Variants in RALGDS observed in about 807,000 individuals in gnomAD.
RALGDS encodes the protein ral guanine nucleotide exchange factor.
A neutral mutation model predicts 99.8 loss-of-function variants in RALGDS; 44 were observed. That is an observed-to-expected ratio of 0.44 (90% CI 0.35 to 0.57). The LOEUF is 0.57. Ranked by LOEUF, RALGDS falls within the 20% of genes least tolerant of loss-of-function variation. The pLI is 0.01. For synonymous variants in RALGDS, 529 were observed against 505.0 expected (o/e 1.05, Z -0.64); for missense variants, 1,022 against 1,203.1 (o/e 0.85, Z 2.23).
intron 2 of RALGDS, among the ~76,000 whole-genome samples, 170 bp from the exon 3 acceptor site, chr9:133,110,659 C>T (rs1831297424): frequency 6.6e-6 from 1 of 151,704 alleles, no homozygotes; most frequent in African/African-American, 2.4e-5. Flanking sequence ...GGTGTGGTGG[C>T]TCACATCAGT....
chr9:133,112,096 G>C lies in RALGDS; in HGVS notation c.240C>G (p.Ser80=), dbSNP rs1456168970. Residue 80 remains serine, a synonymous_variant, in exon 2 of 18, where the codon TCC becomes TCG. Transcript: ENST00000372050. The stretch of plus-strand genomic sequence containing the variant: ...CGTGGTGCAGCTGCACCTTGCGCAG[G>C]GAGATGGAGTAGATGACTCCGTTGA... ...ELINGVIYSI[S]LRKVQLHHGG... 6.3e-7 allele frequency: 1 copy of C among 1,586,728 alleles called. No homozygotes were observed.
chr9:133,099,042 T>C, intron 17 of RALGDS: 1 of 442,014 alleles, frequency 2.3e-6, no homozygotes, highest in Non-Finnish European at 4.2e-6. Flanking sequence ...GTCCTGCCCA[T>C]ACTGCAGTGC....
rs1244499425 is a variant in RALGDS, at chr9:133,108,834, T to C, written c.617A>G (p.Asp206Gly). The C allele has an allele frequency of 6.2e-7, 1 of 1,612,912 alleles. No homozygotes were observed. The highest frequency in any genetic ancestry group is 1.7e-5 in the Admixed American group (1 of 59,986). The change falls in exon 5 of 18, where the codon GAC becomes GGC. Residue 206 changes from aspartate (D) to glycine (G), a missense_variant. By Grantham distance (94) the Asp-to-Gly change is moderately conservative (BLOSUM62 -1). Around this residue, in one of 3 missense-constraint regions of RALGDS, gnomAD observed 825 missense variants for 994.5 expected, o/e 0.83. Coordinates refer to ENST00000372050, the MANE Select transcript of RALGDS (RefSeq NM_006266.4). ...AISSILGTWL[D>G]QYSEDFCQPP... ...TTGACAGAAATCCTCCGAGTACTGG[T>C]CCAGCCAGGTGCCCAGGATGGAGGA...
intron 7 of RALGDS, 46 bp downstream of exon 7, chr9:133,107,039 A>T: frequency 6.2e-7 from 1 of 1,600,558 alleles, no homozygotes; most frequent in Non-Finnish European, 8.5e-7. Context: ...ACAACCTGAG[A>T]ACAGATGAAG....
upstream of RALGDS, among the ~76,000 whole-genome samples, chr9:133,122,872 T>C (rs1353518681): frequency 2.6e-5 from 4 of 152,050 alleles, no homozygotes; most frequent in Admixed American, 6.5e-5. Context: ...GCCCAGCTAG[T>C]TCTGTATTTT....
chr9:133,146,863 C>T (rs1221469364), intron 1 of RALGDS, among the ~76,000 whole-genome samples: 2 of 152,180 alleles, frequency 1.3e-5, no homozygotes, highest in African/African-American at 2.4e-5. Context: ...GAACTGATGC[C>T]CTCAGTCAAA....
chr9:133,098,453 G>T lies in RALGDS; in HGVS notation c.*134C>A. On this transcript the variant is annotated 3_prime_UTR_variant, in exon 18 of 18. Transcript: ENST00000372050. Reference sequence around the variant, plus strand: ...AATGGCAGGCGTCAATCCCAGCAGCGGGAGAGGTTCAGGATGAAACTGGAG... The same window carrying T: ...AATGGCAGGCGTCAATCCCAGCAGCTGGAGAGGTTCAGGATGAAACTGGAG... 2.1e-6 allele frequency: 2 copies of T among 936,006 alleles called. No individual in the cohort carries two copies. Among genetic ancestry groups the T allele is most frequent in the Non-Finnish European group, 1.7e-6 (1 of 605,740 alleles). 58.0% of individuals were successfully genotyped at this position (936,006 alleles called of 1,614,324 possible). A position where few individuals can be genotyped will look rare whatever the true frequency, so the allele number is the denominator to read the frequency against.
In RALGDS at chr9:133,102,516, T is replaced by C. The variant is rs960514805; in HGVS notation, c.1969A>G (p.Arg657Gly). ...ACAATGGCTGTGTTCTTCTTGGTCC[T>C]GAGGGTGTTGCTGGCTGACTCGGAT... ...PPSESASNTL[R>G]TKKNTAIVKR... The change falls in exon 14 of 18, where the codon AGG (arginine) becomes GGG (glycine). Residue 657 changes from arginine to glycine, a missense_variant. Around this residue, in one of 3 missense-constraint regions of RALGDS, gnomAD observed 825 missense variants for 994.5 expected, o/e 0.83. Coordinates refer to ENST00000372050, the MANE Select transcript of RALGDS (RefSeq NM_006266.4). 3 of 1,614,140 alleles carry C rather than the reference T, an allele frequency of 1.9e-6. No homozygotes were observed. In the African/African-American group the frequency reaches 4.0e-5, roughly 21 times the overall value.
intron 1 of RALGDS, chr9:133,130,946 C>T (rs1832315900): frequency 1.3e-6 from 2 of 1,533,912 alleles, no homozygotes; most frequent in Non-Finnish European, 1.7e-6. Context: ...TCAGCTACTT[C>T]CTTACCTTCC....
Position 133,105,848 on chromosome 9 carries a change from AGCCCCC to A in RALGDS, c.1602+78_1602+83del, listed in dbSNP as rs1413993925. ...CAGCCCCCGCCCCAGCCCCCGCCCC[AGCCCCC>A]GCCCCAGCCCCAGCCCCCGCCCCAG... On this transcript the variant is annotated intron_variant, in intron 9 of 17. Transcript: ENST00000372050. 121 of 189,990 alleles carry A rather than the reference AGCCCCC, an allele frequency of 6.4e-4. 12 individuals carry two copies. The highest frequency in any genetic ancestry group is 1.2e-3 in the South Asian group (25 of 21,114). 11.8% of individuals were successfully genotyped at this position (189,990 alleles called of 1,614,324 possible).
intron 9 of RALGDS, among the ~76,000 whole-genome samples, chr9:133,104,996 C>T (rs561269804): frequency 6.6e-6 from 1 of 152,140 alleles, no homozygotes; most frequent in South Asian, 2.1e-4. Context: ...TTGCCCTGGG[C>T]CCCCCAGGGA....
upstream of RALGDS, among the ~76,000 whole-genome samples, chr9:133,133,728 C>A (rs997779604): frequency 6.6e-6 from 1 of 152,258 alleles, no homozygotes; most frequent in African/African-American, 2.4e-5. Context: ...ACACGACCTA[C>A]CAGTGGTCCC....
chr9:133,099,945 T>G, intron 17 of RALGDS: 2 of 399,132 alleles, frequency 5.0e-6, no homozygotes, highest in Non-Finnish European at 9.4e-6. Context: ...GTAGAGCACA[T>G]GTTTTCTTGT....
chr9:133,120,433 C>CCCCCCA (rs1831869438), intron 1 of RALGDS, among the ~76,000 whole-genome samples: 1 of 138,060 alleles, frequency 7.2e-6, no homozygotes, highest in Non-Finnish European at 1.6e-5. Flanking sequence ...CCCCGACCCC[C>CCCCCCA]CCCCCACCCC....
chr9:133,136,322 G>A (rs775855538), intron 1 of RALGDS, among the ~76,000 whole-genome samples: 1 of 152,240 alleles, frequency 6.6e-6, no homozygotes. Context: ...GCGCGGGTAT[G>A]GATGGAAGGA....
intron 1 of RALGDS, among the ~76,000 whole-genome samples, chr9:133,114,492 C>A (rs1331620237): frequency 3.3e-5 from 5 of 152,178 alleles, no homozygotes; most frequent in Non-Finnish European, 5.9e-5. Context: ...ACAGCCCTGG[C>A]AGCTGCCCCA....
rs763135443 is a variant in RALGDS at position 133,109,695 on chromosome 9, G to A, written c.515C>T (p.Ala172Val). 4.3e-6 allele frequency: 7 copies of A among 1,613,816 alleles called. No homozygotes were observed. The African/African-American group carries it at 5.3e-5, about 12-fold the overall frequency. The change falls in exon 4 of 18, where the codon GCC becomes GTC. Residue 172 changes from alanine (A) to valine (V), a missense_variant. Physicochemically the swap from Ala to Val is moderately conservative, Grantham distance 64 (BLOSUM62 0). Around this residue, in one of 3 missense-constraint regions of RALGDS, gnomAD observed 825 missense variants for 994.5 expected, o/e 0.83. Transcript: ENST00000372050. ...GAGGATGCAGCCGTATCTAGAGGAG[G>A]CCGTGAGGGCGTCACATCTACCGTA... ...KRYGRCDALTASSRYGCILPY... is the reference protein window; with the variant it reads ...KRYGRCDALTVSSRYGCILPY...
chr9:133,112,045 G>T lies in RALGDS; in HGVS notation c.291C>A (p.Leu97=), dbSNP rs139361973. 4.5e-6 allele frequency: 7 copies of T among 1,572,402 alleles called. No individual in the cohort carries two copies. The Admixed American group carries it at 1.3e-4, about 28-fold the overall frequency. ...HHGGNKGQRW[L]GYENESALNL... is the part of the protein sequence containing the mutation. ...TGGAGACCCCGAGCGCACTCACCCC[G>T]AGCCAGCGCTGCCCCTTGTTGCCTC... The change falls in exon 2 of 18, where the codon CTC becomes CTA. Residue 97 remains leucine, a synonymous_variant. Transcript: ENST00000372050.
intron 9 of RALGDS, chr9:133,104,590 T>C: frequency 4.1e-6 from 2 of 493,438 alleles, no homozygotes; most frequent in Non-Finnish European, 7.4e-6. Context: ...GGCAGGTGGA[T>C]CACTTGAGGT....
Sources: gnomAD v4.1 joint callset for allele counts (sites outside exome capture counted in the v4.1 genomes callset) on GRCh38, gnomAD v4.1.1 for gene constraint, gnomAD v4.1.1 regional missense constraint, MANE v1.5 for transcripts, NCBI Gene and HGNC (gene_info 2026-07-23, HGNC 2026-07-21) for gene names.